The following ZNF529 variants were observed in gnomAD, a reference collection of about 807,000 sequenced individuals.
ZNF529 encodes the protein zinc finger protein 529.
In ZNF529, 11 loss-of-function variants were observed where a neutral mutation model predicts 10.1. The ratio of observed to expected loss-of-function variants is 1.09; its 90% CI spans 0.69 to 1.81. The LOEUF (loss-of-function observed/expected upper bound fraction) is 1.81, where lower values mean the gene tolerates loss of function less well. Ranked by LOEUF, ZNF529 falls within the 40% of genes most tolerant of loss-of-function variation. ZNF529 has a pLI of 0.00. For synonymous variants in ZNF529, 204 were observed against 215.7 expected, an observed-to-expected ratio of 0.95 and a Z score of 0.47; for missense variants, 624 against 666.8, an observed-to-expected ratio of 0.94 and a Z score of 0.71.
chr19:36,585,382 T>C (rs1165362653), intron 2 of ZNF529, among the ~76,000 whole-genome samples: 3 of 152,190 alleles, frequency 2.0e-5, no homozygotes, highest in Non-Finnish European at 4.4e-5. Context: ...GAGCAGTCAG[T>C]GTTCCAGAGC....
Position 36,555,282 on chromosome 19 carries a change from G to A in ZNF529, c.109-486C>T, listed in dbSNP as rs190744135. Among the ~76,000 whole-genome samples the A allele has an allele frequency of 3.0e-5, 3 of 98,990 alleles. 1 individual carries two copies. In the South Asian group the frequency reaches 9.3e-4, roughly 31 times the overall value. 64.9% of individuals were successfully genotyped at this position (98,990 alleles called of 152,430 possible). On this transcript the variant is annotated intron_variant, in intron 3 of 4. Transcript: ENST00000591340. Reference sequence around the variant, plus strand: ...TATAATAACAATTATTACTTCCAGCGATAAAGTTTTTTTTTTTTTTTTGAG... The same window carrying A: ...TATAATAACAATTATTACTTCCAGCAATAAAGTTTTTTTTTTTTTTTTGAG...
chr19:36,576,151 G>A (rs545858673), upstream of ZNF529, among the ~76,000 whole-genome samples: 3 of 151,962 alleles, frequency 2.0e-5, no homozygotes, highest in Admixed American at 6.5e-5. Flanking sequence ...CCGGCCTCAC[G>A]TGACTTCTTT....
At chr19:36,573,096 T>A in intron 1 of ZNF529, 44 bp downstream of exon 1, 16 of 205,700 alleles carry the variant, frequency 7.8e-5, no homozygotes, top group Middle Eastern at 2.4e-3. Context: ...TCTCCGTCTC[T>A]CACACACACA....
chr19:36,572,448 A>G, intron 1 of ZNF529, 56 bp from the exon 2 acceptor site: 2 of 1,382,556 alleles, frequency 1.4e-6, no homozygotes, highest in Non-Finnish European at 2.0e-6. Flanking sequence ...TTAAATAAGA[A>G]CACAGTGTTC....
upstream of ZNF529, chr19:36,573,559 G>T (rs1419710091): frequency 4.3e-6 from 2 of 465,884 alleles, no homozygotes; most frequent in Non-Finnish European, 4.5e-6. Flanking sequence ...AACCCAGGTT[G>T]GGAGGACAGA....
rs73931634 is a variant in ZNF529 at position 36,603,304 on chromosome 19, G to C, written c.-128+1822C>G. ...AGCACACAGGAGAAGTGAACATACT[G>C]TCAAGGTGTTATATGAAAATTAACT... On this transcript the variant is annotated intron_variant, in intron 1 of 4. Coordinates refer to the ZNF529 transcript ENST00000585960. Among the ~76,000 whole-genome samples, 347 of 152,214 alleles carry C rather than the reference G, an allele frequency of 2.3e-3. 1 individual carries two copies. Among genetic ancestry groups the C allele is most frequent in the African/African-American group, 7.9e-3 (327 of 41,528 alleles).
chr19:36,572,929 A>C (rs2036190862), intron 1 of ZNF529: 1 of 153,866 alleles, frequency 6.5e-6, no homozygotes, highest in South Asian at 2.0e-4. Context: ...ACAAACAAAA[A>C]AAAACAAAAA....
chr19:36,592,520 G>C (rs562625713), intron 1 of ZNF529, among the ~76,000 whole-genome samples: 14 of 151,208 alleles, frequency 9.3e-5, no homozygotes, highest in African/African-American at 3.4e-4. Context: ...CTTGAACCTG[G>C]GAGATGGAAG....
chr19:36,596,557 AC>A (rs1261273326), intron 1 of ZNF529, among the ~76,000 whole-genome samples: 1 of 151,502 alleles, frequency 6.6e-6, no homozygotes, highest in Non-Finnish European at 1.5e-5. Flanking sequence ...TCACTCTGTC[AC>A]CCAGGCTGGA....
upstream of ZNF529, among the ~76,000 whole-genome samples, chr19:36,578,094 TA>T (rs67077975): frequency 0.68 from 79,935 of 117,588 alleles, 28,066 homozygotes; most frequent in African/African-American, 0.78. Flanking sequence ...GACGGAGTCT[TA>T]ACTCTGTCAC....
At chr19:36,571,966 T>A (rs1304889027) in intron 2 of ZNF529, among the ~76,000 whole-genome samples, 2 of 150,594 alleles carry the variant, frequency 1.3e-5, no homozygotes, top group Non-Finnish European at 2.9e-5. Flanking sequence ...ACTTTGTCAC[T>A]TACTGATTAA....
intron 2 of ZNF529, among the ~76,000 whole-genome samples, chr19:36,587,752 T>C (rs1352142198): frequency 6.6e-6 from 1 of 152,228 alleles, no homozygotes; most frequent in Non-Finnish European, 1.5e-5. Flanking sequence ...AAGCTAGTCA[T>C]GAAGGATTTA....
Position 36,547,678 on chromosome 19 carries a change from G to A in ZNF529, c.880C>T (p.His294Tyr). Residue 294 changes from histidine (H) to tyrosine (Y), a missense_variant, in exon 5 of 5, where the codon CAT (histidine) becomes TAT (tyrosine). His to Tyr is a moderately conservative substitution (Grantham distance 83). Transcript: ENST00000591340. ...TTCTGATGTCGAGTAAGTTGTGCAT[G>A]CACTCTAAAGGATTTCCCACAGAAT... The part of the protein sequence containing the change: ...CSFCGKSFRV[H>Y]AQLTRHQKIH... 6.2e-7 allele frequency: 1 copy of A among 1,613,846 alleles called. No homozygotes were observed. Among genetic ancestry groups the A allele is most frequent in the Non-Finnish European group, 8.5e-7 (1 of 1,179,830 alleles).
intron 2 of ZNF529, among the ~76,000 whole-genome samples, chr19:36,584,780 A>AT (rs2036544556): frequency 6.6e-6 from 1 of 152,044 alleles, no homozygotes; most frequent in Non-Finnish European, 1.5e-5. Flanking sequence ...AAAAAAAAAA[A>AT]AGAAAGAATG....
intron 4 of ZNF529, among the ~76,000 whole-genome samples, chr19:36,548,740 C>T (rs1356843802): frequency 6.6e-6 from 1 of 152,138 alleles, no homozygotes; most frequent in African/African-American, 2.4e-5. Flanking sequence ...CCTCATTTTG[C>T]CTGGGCGTGT....
At chr19:36,564,417 C>A (rs1470544107) in intron 2 of ZNF529, among the ~76,000 whole-genome samples, 1 of 152,106 alleles carries the variant, frequency 6.6e-6, no homozygotes, top group Non-Finnish European at 1.5e-5. Context: ...AGAAAACAGT[C>A]CCACTAAAAG....
Position 36,556,139 on chromosome 19 carries a change from G to C in ZNF529, c.73C>G (p.Pro25Ala). 6.5e-7 allele frequency: 1 copy of C among 1,544,676 alleles called. No individual in the cohort carries two copies. The highest frequency in any genetic ancestry group is 8.8e-7 in the Non-Finnish European group (1 of 1,140,662). ...GTTAGAACTGTAAAGAATTGGTCAG[G>C]GAATTCCACTTCTGGCATGACAGCA... ...PHAVMPEVEF[P>A]DQFFTVLTMD... The change falls in exon 3 of 5, where the codon CCT becomes GCT. Residue 25 changes from proline to alanine, a missense_variant. Physicochemically the swap from Pro to Ala is conservative, Grantham distance 27. Coordinates refer to ENST00000591340, the MANE Select transcript of ZNF529 (RefSeq NM_020951.5).
At chr19:36,583,098 GT>G (rs1451532900) in intron 2 of ZNF529, among the ~76,000 whole-genome samples, 1 of 152,098 alleles carries the variant, frequency 6.6e-6, no homozygotes, top group Non-Finnish European at 1.5e-5. Context: ...GTCTTGCTTT[GT>G]CAGACTGGAG....
chr19:36,567,919 T>C (rs965372029), intron 2 of ZNF529, among the ~76,000 whole-genome samples: 2 of 152,192 alleles, frequency 1.3e-5, no homozygotes, highest in Admixed American at 1.3e-4. Flanking sequence ...ATATATCTCA[T>C]GAGCATTTAA....
Sources: gnomAD v4.1 joint callset for allele counts (sites outside exome capture counted in the v4.1 genomes callset) on GRCh38, gnomAD v4.1.1 for gene constraint, MANE v1.5 for transcripts, NCBI Gene and HGNC (gene_info 2026-07-23, HGNC 2026-07-21) for gene names.